Variants in IKBKE observed in about 807,000 individuals in gnomAD.
IKBKE encodes the protein inhibitor of nuclear factor kappa-B kinase subunit epsilon.
A neutral mutation model predicts 92.1 loss-of-function variants in IKBKE; 45 were observed. The observed-to-expected ratio is 0.49, with a 90% CI of 0.38 to 0.63. The LOEUF is 0.63. Ranked by LOEUF, IKBKE falls within the 20% of genes least tolerant of loss-of-function variation. IKBKE has a pLI of 0.00. For missense variants in IKBKE, 700 were observed against 932.8 expected, an observed-to-expected ratio of 0.75 and a Z score of 3.25; for synonymous variants, 374 against 380.3, an observed-to-expected ratio of 0.98 and a Z score of 0.19.
chr1:206,481,766 CTTTTTTTTTTTTTTTTTTT>C (rs71152472), intron 13 of IKBKE, among the ~76,000 whole-genome samples: 1 of 46,538 alleles, frequency 2.1e-5, no homozygotes, highest in Non-Finnish European at 3.8e-5. Context: ...AAGGATGAGG[CTTTTTTTTTTTTTTTTTTT>C]TTTTTTTTTT....
At chr1:206,494,986 T>TAAAAAA (rs33957066) in intron 21 of IKBKE, among the ~76,000 whole-genome samples, 1 of 108,946 alleles carries the variant, frequency 9.2e-6, no homozygotes. Context: ...ACATTTGAAG[T>TAAAAAA]AAAAAAAAAA....
At position 206,490,240 on chromosome 1, in the gene IKBKE, C is replaced by G. The variant is rs1280768362; in HGVS notation, c.1694-579C>G. Among the ~76,000 whole-genome samples the G allele has an allele frequency of 1.3e-5, 2 of 152,170 alleles. No homozygotes were observed. The highest frequency in any genetic ancestry group is 4.8e-5 in the African/African-American group (2 of 41,442). ...TTGGGGCTGCCGCCACCCTGGAGGC[C>G]CATTCCTGCGAAGACCAGGAGGGGG... is the stretch of plus-strand genomic sequence containing the variant. On this transcript the variant is annotated intron_variant, in intron 16 of 21. Transcript: ENST00000581977. This position sits in a 1 kb window ranked among gnomAD's most constrained non-coding sequence, Gnocchi z 5.2.
chr1:206,486,489 G>A (rs1349371038), intron 15 of IKBKE, among the ~76,000 whole-genome samples: 2 of 145,910 alleles, frequency 1.4e-5, no homozygotes, highest in Non-Finnish European at 3.0e-5. Context: ...TGTGGATCGA[G>A]GCCCCATCCT....
chr1:206,492,978 G>T, intron 18 of IKBKE, 45 bp from the exon 19 acceptor site: 2 of 1,518,244 alleles, frequency 1.3e-6, no homozygotes, highest in Non-Finnish European at 1.8e-6. Context: ...CTGGGGAATG[G>T]GCTGAGTCCT....
At chr1:206,475,088 A>G in intron 5 of IKBKE, 94 bp downstream of exon 5, 1 of 1,319,668 alleles carries the variant, frequency 7.6e-7, no homozygotes. Context: ...CCTGCTAATC[A>G]TTCCATTTAA....
intron 2 of IKBKE, among the ~76,000 whole-genome samples, chr1:206,472,405 T>C (rs1346804588): frequency 6.6e-6 from 1 of 152,144 alleles, no homozygotes; most frequent in Admixed American, 6.5e-5. Context: ...CTGGTACTAA[T>C]TGCTTTAGGA....
Position 206,487,845 on chromosome 1 carries a change from CCCCT to C in IKBKE, c.1617-59_1617-56del, listed in dbSNP as rs2103476857. 1.6e-6 allele frequency: 2 copies of C among 1,276,962 alleles called. No homozygotes were observed. The highest frequency in any genetic ancestry group is 1.1e-6 in the Non-Finnish European group (1 of 890,282). The allele number at this position is 1,276,962 out of a possible 1,614,324, so 79.1% of individuals were successfully genotyped here. The stretch of plus-strand genomic sequence containing the variant: ...CCTCCCCTATTCCACTGCCACCCTT[CCCCT>C]CCCTCCCTCTTTCCTCTGTGCTATT... On this transcript the variant is annotated intron_variant, in intron 15 of 21. Transcript: ENST00000581977. This position sits in a 1 kb window ranked among gnomAD's most constrained non-coding sequence, Gnocchi z 5.3.
At position 206,475,849 on chromosome 1, in the gene IKBKE, T is replaced by G. The variant is rs139768196; in HGVS notation, c.359-332T>G. Among the ~76,000 whole-genome samples the G allele has an allele frequency of 4.7e-3, 716 of 152,186 alleles. 5 individuals carry two copies. The highest frequency in any genetic ancestry group is 0.024 in the Middle Eastern group (7 of 294). ...AATGAAGTGTACACTTAAAATTGGT[T>G]AAAATGGGAAATTTCGTTATGCATA... On this transcript the variant is annotated intron_variant, in intron 5 of 21. Coordinates refer to ENST00000581977, the MANE Select transcript of IKBKE (RefSeq NM_014002.4).
intron 13 of IKBKE, among the ~76,000 whole-genome samples, chr1:206,483,836 C>T (rs1424227764): frequency 6.6e-6 from 1 of 152,196 alleles, no homozygotes; most frequent in African/African-American, 2.4e-5. Context: ...ATCACATCTG[C>T]TGTCCCACCT....
intron 20 of IKBKE, 78 bp from the exon 21 acceptor site, chr1:206,493,842 G>A: frequency 3.7e-6 from 4 of 1,074,018 alleles, no homozygotes; most frequent in East Asian, 4.8e-5. Flanking sequence ...CTGCAGAGGA[G>A]GGTGGGCCTC....
rs1391686922 is a variant in IKBKE, at chr1:206,485,497, G to A, written c.1616+191G>A. The stretch of plus-strand genomic sequence containing the variant: ...CCCGACTGCCCCAGACACCAGCCAG[G>A]AGGAGAAAAGGATCTGGGGTCCTGC... On this transcript the variant is annotated intron_variant, in intron 15 of 21. Coordinates refer to ENST00000581977, the MANE Select transcript of IKBKE (RefSeq NM_014002.4). This position sits in a 1 kb window ranked among gnomAD's most constrained non-coding sequence, Gnocchi z 5.0. Among the ~76,000 whole-genome samples the A allele has an allele frequency of 6.6e-6, 1 of 152,186 alleles. No homozygotes were observed. Among genetic ancestry groups the A allele is most frequent in the Non-Finnish European group, 1.5e-5 (1 of 68,024 alleles).
intron 17 of IKBKE, chr1:206,491,333 C>A: frequency 5.2e-6 from 2 of 385,116 alleles, no homozygotes; most frequent in East Asian, 5.9e-5. Context: ...CACTCACACA[C>A]CTTCTTTCCA....
intron 17 of IKBKE, 192 bp downstream of exon 17, chr1:206,491,050 G>C (rs575845918): frequency 1.4e-5 from 9 of 629,050 alleles, no homozygotes; most frequent in African/African-American, 1.3e-4. Context: ...AGACTTCTCA[G>C]ATGCAATCTT....
At chr1:206,492,824 C>T (rs1553390912) in intron 18 of IKBKE, 199 bp from the exon 19 acceptor site, 1 of 684,058 alleles carries the variant, frequency 1.5e-6, no homozygotes, top group Admixed American at 2.1e-5. Context: ...GCCTCCCAGC[C>T]TCAGCCAGCT....
chr1:206,496,145 A>T lies in IKBKE; in HGVS notation c.2151A>T (p.Ter717CysextTer6), dbSNP rs782480904. The change falls in exon 22 of 22, where the codon TGA becomes TGT. Residue 717 changes from the stop codon to cysteine (C), a stop_lost. Transcript: ENST00000581977. The part of the protein sequence containing the change: ...LNRVPAPPDV[*>C] ...GAGTCCCAGCACCTCCTGATGTCTG[A>T]GCTCCATGGGGCACATGAGGCATCC... is the stretch of plus-strand genomic sequence containing the variant. The T allele has an allele frequency of 6.2e-7, 1 of 1,612,572 alleles. No homozygotes were observed. The highest frequency in any genetic ancestry group is 8.5e-7 in the Non-Finnish European group (1 of 1,178,576).
chr1:206,484,039 C>T (rs1042772065), intron 13 of IKBKE, among the ~76,000 whole-genome samples: 3 of 151,798 alleles, frequency 2.0e-5, no homozygotes, highest in African/African-American at 7.3e-5. Context: ...ATTCTCCCAC[C>T]TTGGCCTCCC....
In IKBKE at chr1:206,474,313, C is replaced by T. The variant is rs2103449042; in HGVS notation, c.88-18C>T. ...GCTAATCCCATGCTGTCTCCCACTG[C>T]TCCCTCCCCAATGGCAGAAATCCGG... On this transcript the variant is annotated intron_variant, in intron 3 of 21. Coordinates refer to ENST00000581977, the MANE Select transcript of IKBKE (RefSeq NM_014002.4). The T allele has an allele frequency of 6.2e-7, 1 of 1,606,692 alleles. No individual in the cohort carries two copies. The highest frequency in any genetic ancestry group is 8.5e-7 in the Non-Finnish European group (1 of 1,175,756).
In IKBKE at chr1:206,473,266, C is replaced by T. The variant is rs771328607; in HGVS notation, c.39C>T (p.Asp13=). The change falls in exon 3 of 22, where the codon GAC becomes GAT. Residue 13 remains aspartate (D), a synonymous_variant. Coordinates refer to ENST00000581977, the MANE Select transcript of IKBKE (RefSeq NM_014002.4). The stretch of plus-strand genomic sequence containing the variant: ...CCAATTACCTGTGGCACACAGATGA[C>T]CTGCTGGGGCAGGGGGCCACTGCCA... ...STANYLWHTD[D]LLGQGATASV... is the part of the protein sequence containing the mutation. 4 of 1,613,246 alleles carry T rather than the reference C, an allele frequency of 2.5e-6. No individual in the cohort carries two copies. In the South Asian group the frequency reaches 3.3e-5, roughly 13 times the overall value.
chr1:206,491,598 G>A, intron 17 of IKBKE, 50 bp from the exon 18 acceptor site: 1 of 1,309,386 alleles, frequency 7.6e-7, no homozygotes, highest in Non-Finnish European at 1.1e-6. Context: ...GTGGGCTTGT[G>A]CATAGTGGTT....
Sources: gnomAD v4.1 joint callset for allele counts (sites outside exome capture counted in the v4.1 genomes callset) on GRCh38, gnomAD v4.1.1 for gene constraint, Gnocchi (gnomAD v3.1) non-coding constraint, MANE v1.5 for transcripts, NCBI Gene and HGNC (gene_info 2026-07-23, HGNC 2026-07-21) for gene names.